The following TTC17 variants were observed in gnomAD, a reference collection of about 807,000 sequenced individuals.
TTC17 encodes tetratricopeptide repeat domain 17.
A neutral mutation model predicts 143.8 loss-of-function variants in TTC17; 58 were observed. That is an observed-to-expected ratio of 0.40 (90% CI 0.33 to 0.50). TTC17 has a LOEUF of 0.50. TTC17 is among the 20% of genes least tolerant of loss of function. The pLI is 0.49. For missense variants in TTC17, 1,273 were observed against 1,392.5 expected, an observed-to-expected ratio of 0.91 and a Z score of 1.37; for synonymous variants, 501 against 497.8, an observed-to-expected ratio of 1.01 and a Z score of -0.09.
At chr11:43,374,286 A>G (rs1277073132) in intron 1 of TTC17, among the ~76,000 whole-genome samples, 2 of 152,190 alleles carry the variant, frequency 1.3e-5, no homozygotes, top group African/African-American at 4.8e-5. Context: ...AGATGGATTA[A>G]AGACTTAAAT....
intron 21 of TTC17, among the ~76,000 whole-genome samples, chr11:43,487,345 T>G (rs1290937222): frequency 6.6e-6 from 1 of 152,034 alleles, no homozygotes; most frequent in Non-Finnish European, 1.5e-5. Flanking sequence ...GGGTTTTCAG[T>G]GTGTTGGCCA....
intron 15 of TTC17, among the ~76,000 whole-genome samples, chr11:43,408,984 C>G (rs1342050780): frequency 1.3e-5 from 2 of 152,014 alleles, no homozygotes; most frequent in African/African-American, 4.8e-5. Flanking sequence ...CTCAAGCAAT[C>G]CTCCCATCTC....
chr11:43,479,489 A>G (rs904592831), intron 21 of TTC17, among the ~76,000 whole-genome samples: 5 of 152,182 alleles, frequency 3.3e-5, no homozygotes, highest in African/African-American at 4.8e-5. Flanking sequence ...TACCTGAAAT[A>G]TTATAGAGAC....
At chr11:43,469,119 T>A (rs1948039789) in intron 21 of TTC17, among the ~76,000 whole-genome samples, 1 of 152,170 alleles carries the variant, frequency 6.6e-6, no homozygotes, top group Non-Finnish European at 1.5e-5. Flanking sequence ...ATTTTAAAAG[T>A]ACCCAGTGTA....
At chr11:43,478,699 C>T (rs1486400561) in intron 21 of TTC17, among the ~76,000 whole-genome samples, 1 of 152,188 alleles carries the variant, frequency 6.6e-6, no homozygotes, top group Non-Finnish European at 1.5e-5. Flanking sequence ...CCTCAAACTC[C>T]TGTGCTCAAG....
At chr11:43,460,832 A>G (rs951963473) in intron 21 of TTC17, among the ~76,000 whole-genome samples, 15 of 152,308 alleles carry the variant, frequency 9.8e-5, no homozygotes, top group African/African-American at 3.1e-4. Context: ...GCCATTTCAC[A>G]TGATGACTGA....
At chr11:43,369,092 C>A (rs1856462659) in intron 1 of TTC17, among the ~76,000 whole-genome samples, 1 of 152,204 alleles carries the variant, frequency 6.6e-6, no homozygotes, top group Non-Finnish European at 1.5e-5. Context: ...ACTATTGTGT[C>A]TTGATCCAGC....
At chr11:43,446,211 A>C in intron 18 of TTC17, 1 of 1,276,852 alleles carries the variant, frequency 7.8e-7, no homozygotes, top group Non-Finnish European at 9.9e-7. Context: ...TCTGCCTGGA[A>C]TGCCCTGTGC....
At chr11:43,373,077 A>C (rs1471409010) in intron 1 of TTC17, among the ~76,000 whole-genome samples, 1 of 152,182 alleles carries the variant, frequency 6.6e-6, no homozygotes, top group Non-Finnish European at 1.5e-5. Context: ...ATCTAACAGC[A>C]GATATCTCTG....
At chr11:43,451,991 A>G (rs1279295988) in intron 21 of TTC17, among the ~76,000 whole-genome samples, 1 of 152,200 alleles carries the variant, frequency 6.6e-6, no homozygotes. Flanking sequence ...GGGCAAACAC[A>G]TGATCCCCAG....
chr11:43,491,980 A>T, intron 22 of TTC17, 40 bp from the exon 23 acceptor site: 1 of 1,607,612 alleles, frequency 6.2e-7, no homozygotes, highest in Non-Finnish European at 8.5e-7. Context: ...AAAGCTCAAA[A>T]CCCAATTTTC....
intron 16 of TTC17, chr11:43,436,480 A>G (rs1233702652): frequency 1.5e-6 from 1 of 658,004 alleles, no homozygotes; most frequent in Non-Finnish European, 2.2e-6. Flanking sequence ...CTAGGTGGTG[A>G]GGCAGAAGAC....
chr11:43,440,976 G>A (rs977429608), intron 16 of TTC17, among the ~76,000 whole-genome samples: 3 of 151,298 alleles, frequency 2.0e-5, no homozygotes, highest in Non-Finnish European at 4.4e-5. Context: ...AAAAAAAATT[G>A]TTAACTCTGG....
At chr11:43,430,177 C>T (rs1733702738) in intron 16 of TTC17, among the ~76,000 whole-genome samples, 1 of 152,156 alleles carries the variant, frequency 6.6e-6, no homozygotes, top group Admixed American at 6.5e-5. Context: ...CCTATAATCC[C>T]AGCACTTTGG....
rs1291288845 is a variant in TTC17, at chr11:43,444,121, A to G, written c.2577A>G (p.Lys859=). ...ATCATAAGAAAACTCCTGGGAAAAA[A>G]GTAGAAACAGGTCAGATAGAAAATG... The part of the protein sequence containing the change: ...KGDHKKTPGK[K]VETGQIENGH... The change falls in exon 18 of 24, where the codon AAA becomes AAG. Residue 859 remains lysine, a synonymous_variant. Coordinates refer to ENST00000039989, the MANE Select transcript of TTC17 (RefSeq NM_018259.6). The G allele has an allele frequency of 3.1e-6, 5 of 1,613,474 alleles. No homozygotes were observed. Among genetic ancestry groups the G allele is most frequent in the Non-Finnish European group, 8.5e-7 (1 of 1,179,680 alleles).
At chr11:43,490,487 G>T (rs554413961) in intron 22 of TTC17, 129 bp downstream of exon 22, 1 of 1,356,460 alleles carries the variant, frequency 7.4e-7, no homozygotes, top group Non-Finnish European at 9.7e-7. Context: ...AGAGAATGGG[G>T]CAGGAGACCT....
chr11:43,487,151 A>G (rs1001247023), intron 21 of TTC17, among the ~76,000 whole-genome samples: 6 of 151,966 alleles, frequency 3.9e-5, no homozygotes, highest in African/African-American at 1.2e-4. Flanking sequence ...TTGTTTGTTT[A>G]TTTGTTTGTT....
intron 14 of TTC17, 22 bp downstream of exon 14, chr11:43,407,237 T>C (rs755578299): frequency 1.3e-6 from 2 of 1,567,130 alleles, no homozygotes; most frequent in Non-Finnish European, 1.7e-6. Flanking sequence ...ACTTTAGACA[T>C]CTAAAACTTA....
intron 3 of TTC17, among the ~76,000 whole-genome samples, chr11:43,390,863 C>CT (rs1466032163): frequency 1.3e-5 from 2 of 152,010 alleles, no homozygotes; most frequent in African/African-American, 2.4e-5. Context: ...TGTAGAGAGA[C>CT]TGTCAGTGGA....
Sources: allele counts gnomAD v4.1 joint callset (sites outside exome capture counted in the v4.1 genomes callset), GRCh38; gene constraint gnomAD v4.1.1; transcripts MANE v1.5; gene names NCBI Gene and HGNC (gene_info 2026-07-23, HGNC 2026-07-21).